NPAS2: variants seen among roughly 807,000 people sequenced by gnomAD.
The protein encoded by NPAS2 is neuronal PAS domain protein 2.
A neutral mutation model predicts 107.5 loss-of-function variants in NPAS2; 23 were observed. That is an observed-to-expected ratio of 0.21 (90% confidence interval 0.15 to 0.30). The LOEUF (loss-of-function observed/expected upper bound fraction) is 0.30. Ranked by LOEUF, NPAS2 falls within the 10% of genes least tolerant of loss-of-function variation. NPAS2 has a pLI of 1.00. For missense variants in NPAS2, 756 were observed against 1,043.3 expected (o/e 0.72, Z 3.79); for synonymous variants, 403 against 417.5 (o/e 0.97, Z 0.42).
intron 15 of NPAS2, among the ~76,000 whole-genome samples, chr2:100,980,024 G>C (rs1273147621): frequency 6.6e-6 from 1 of 152,182 alleles, no homozygotes; most frequent in African/African-American, 2.4e-5. Context: ...TGGGTAACTG[G>C]TGGTTTTCCA....
At chr2:100,862,133 A>C (rs1187023209) in intron 1 of NPAS2, among the ~76,000 whole-genome samples, 2 of 152,234 alleles carry the variant, frequency 1.3e-5, no homozygotes, top group African/African-American at 4.8e-5. Context: ...GCATTCTCAC[A>C]ACCTATCGGA....
intron 1 of NPAS2, among the ~76,000 whole-genome samples, chr2:100,822,434 A>G (rs1270781251): frequency 2.0e-5 from 3 of 152,260 alleles, no homozygotes; most frequent in Non-Finnish European, 2.9e-5. Flanking sequence ...GTTAAAGATA[A>G]CACATATAAC....
At chr2:100,883,653 T>C (rs963579182) in intron 1 of NPAS2, among the ~76,000 whole-genome samples, 1 of 152,156 alleles carries the variant, frequency 6.6e-6, no homozygotes, top group African/African-American at 2.4e-5. Flanking sequence ...TCCCCATCCA[T>C]GTTTACCTGT....
chr2:100,968,168 C>T lies in NPAS2; in HGVS notation c.908-113C>T. On this transcript the variant is annotated intron_variant, in intron 10 of 20. Coordinates refer to ENST00000335681, the MANE Select transcript of NPAS2 (RefSeq NM_002518.4). The surrounding 1 kb of genome is among the most constrained non-coding windows in gnomAD (Gnocchi z 5.3). ...AATACAGGGCAACCGGGGAAACAAG[C>T]CATGTTTGGTATTGTCTTTTTTTTT... 8.8e-7 allele frequency: 1 copy of T among 1,134,840 alleles called. No homozygotes were observed. Among genetic ancestry groups the T allele is most frequent in the Non-Finnish European group, 1.3e-6 (1 of 781,610 alleles). 70.3% of individuals were successfully genotyped at this position (1,134,840 alleles called of 1,614,324 possible). A position where few individuals can be genotyped will look rare whatever the true frequency, so the allele number is the denominator to read the frequency against.
chr2:100,910,818 A>G (rs1252475245), intron 2 of NPAS2, among the ~76,000 whole-genome samples: 1 of 152,094 alleles, frequency 6.6e-6, no homozygotes, highest in Non-Finnish European at 1.5e-5. Flanking sequence ...ATGAGCCACC[A>G]TGCCCAGCCT....
At chr2:100,959,456 C>G (rs1248688231) in intron 7 of NPAS2, among the ~76,000 whole-genome samples, 4 of 152,118 alleles carry the variant, frequency 2.6e-5, no homozygotes, top group Non-Finnish European at 5.9e-5. Context: ...CGGTGCTCTC[C>G]TAGGAACCCA....
At chr2:100,963,708 G>T (rs76748813) in intron 7 of NPAS2, among the ~76,000 whole-genome samples, 6,043 of 152,298 alleles carry the variant, frequency 0.04, 261 homozygotes, top group South Asian at 0.16. Flanking sequence ...GAGCCACTGT[G>T]CCTGGCCTGT....
chr2:100,991,058 A>G (rs1458043820), intron 19 of NPAS2, among the ~76,000 whole-genome samples, 186 bp downstream of exon 19: 1 of 152,208 alleles, frequency 6.6e-6, no homozygotes, highest in Non-Finnish European at 1.5e-5. Flanking sequence ...CCAATTAAGC[A>G]GAAAAAACTC....
intron 7 of NPAS2, among the ~76,000 whole-genome samples, chr2:100,953,278 G>A (rs1298993620): frequency 1.3e-5 from 2 of 151,360 alleles, no homozygotes; most frequent in Non-Finnish European, 2.9e-5. Context: ...GGAGGGTGAG[G>A]CAGGAGAATG....
At chr2:100,869,312 T>C (rs6746384) in intron 1 of NPAS2, among the ~76,000 whole-genome samples, 7,821 of 152,288 alleles carry the variant, frequency 0.051, 664 homozygotes, top group African/African-American at 0.18. Context: ...TGTTCTTTGT[T>C]GTTTCTGCTG....
chr2:100,832,356 G>A (rs1367418032), intron 1 of NPAS2, among the ~76,000 whole-genome samples: 2 of 152,304 alleles, frequency 1.3e-5, no homozygotes, highest in South Asian at 4.1e-4. Context: ...CCTGCTCCAA[G>A]CGCTTACCTG....
intron 1 of NPAS2, among the ~76,000 whole-genome samples, chr2:100,838,837 G>T (rs1026740018): frequency 6.6e-6 from 1 of 152,094 alleles, no homozygotes; most frequent in Non-Finnish European, 1.5e-5. Context: ...CATTGCTTTG[G>T]ATCAGTTATT....
intron 14 of NPAS2, among the ~76,000 whole-genome samples, chr2:100,975,947 G>A (rs960686422): frequency 2.0e-5 from 3 of 152,110 alleles, no homozygotes; most frequent in Non-Finnish European, 4.4e-5. Flanking sequence ...CAACAAAAAT[G>A]TACCTCTGCA....
At chr2:100,932,609 C>T (rs1684030861) in intron 3 of NPAS2, among the ~76,000 whole-genome samples, 1 of 152,202 alleles carries the variant, frequency 6.6e-6, no homozygotes, top group Non-Finnish European at 1.5e-5. Flanking sequence ...CTAATTCCAA[C>T]TGTTGACGAT....
chr2:100,889,734 C>T (rs1032686683), intron 1 of NPAS2, among the ~76,000 whole-genome samples: 15 of 152,248 alleles, frequency 9.9e-5, no homozygotes, highest in African/African-American at 3.6e-4. Context: ...GGGCCTGCAT[C>T]CAACACAACC....
intron 1 of NPAS2, among the ~76,000 whole-genome samples, chr2:100,872,380 C>T (rs72816947): frequency 6.6e-5 from 10 of 152,304 alleles, no homozygotes; most frequent in Admixed American, 2.0e-4. Flanking sequence ...TACTTAGAAC[C>T]ATGCCTGCAA....
At chr2:100,825,296 G>T (rs1676305298) in intron 1 of NPAS2, among the ~76,000 whole-genome samples, 1 of 152,058 alleles carries the variant, frequency 6.6e-6, no homozygotes, top group South Asian at 2.1e-4. Flanking sequence ...AAAATTATTG[G>T]TTTTTTGTTT....
intron 5 of NPAS2, among the ~76,000 whole-genome samples, chr2:100,940,966 G>A (rs1356273198): frequency 2.6e-5 from 4 of 152,170 alleles, no homozygotes; most frequent in African/African-American, 4.8e-5. Context: ...CAGCAGCAAC[G>A]CCCCTCTTGG....
chr2:100,953,994 A>G (rs1445907704), intron 7 of NPAS2, among the ~76,000 whole-genome samples: 1 of 152,250 alleles, frequency 6.6e-6, no homozygotes, highest in Non-Finnish European at 1.5e-5. Flanking sequence ...AACAGGAGGC[A>G]CACATGGCCC....
Sources: allele counts gnomAD v4.1 joint callset (sites outside exome capture counted in the v4.1 genomes callset), GRCh38; gene constraint gnomAD v4.1.1; non-coding constraint Gnocchi (gnomAD v3.1); transcripts MANE v1.5; gene names NCBI Gene and HGNC (gene_info 2026-07-23, HGNC 2026-07-21).